The following NFIA variants were observed in gnomAD, a reference collection of about 807,000 sequenced individuals.
NFIA encodes nuclear factor I A, also known as nuclear factor 1 A-type.
A neutral mutation model predicts 62.8 loss-of-function variants in NFIA; 8 were observed. The observed-to-expected ratio is 0.13, with a 90% confidence interval of 0.07 to 0.23. The LOEUF (loss-of-function observed/expected upper bound fraction) is 0.23. NFIA is among the 10% of genes least tolerant of loss of function. NFIA has a pLI of 1.00. For missense variants in NFIA, 410 were observed against 642.1 expected (o/e 0.64, Z 3.91); for synonymous variants, 235 against 238.1 (o/e 0.99, Z 0.12).
In NFIA at chr1:61,406,543, G is replaced by GGGCCCCCCC; in HGVS notation, c.1255-19_1255-18insGGCCCCCCC. 1.1e-5 allele frequency: 10 copies of GGGCCCCCCC among 876,636 alleles called. No homozygotes were observed. The highest frequency in any genetic ancestry group is 1.5e-5 in the Non-Finnish European group (10 of 653,726). The allele number at this position is 876,636 out of a possible 1,614,324, so 54.3% of individuals were successfully genotyped here. On this transcript the variant is annotated intron_variant, in intron 8 of 10. Coordinates refer to ENST00000403491, the MANE Select transcript of NFIA (RefSeq NM_001134673.4). ...TCTTTTTCTTGTACGTGTGTTTTCT[G>GGGCCCCCCC]CCCCCCCCCCCCCCACAGCCCAATG...
intron 9 of NFIA, among the ~76,000 whole-genome samples, chr1:61,411,378 T>C (rs1569807716): frequency 6.6e-6 from 1 of 152,120 alleles, no homozygotes; most frequent in Non-Finnish European, 1.5e-5. Context: ...TGGAGAAAGA[T>C]TGATAGACTG....
chr1:61,443,578 G>A (rs959404960), intron 10 of NFIA, among the ~76,000 whole-genome samples: 2 of 152,202 alleles, frequency 1.3e-5, no homozygotes, highest in Non-Finnish European at 2.9e-5. Flanking sequence ...GTTTTGCCAG[G>A]TATGCTCACC....
At chr1:61,257,664 T>C (rs1553166009) in intron 2 of NFIA, among the ~76,000 whole-genome samples, 1 of 151,942 alleles carries the variant, frequency 6.6e-6, no homozygotes, top group Non-Finnish European at 1.5e-5. Context: ...TGAAGCTTTT[T>C]CCCCTCTCAT....
intron 10 of NFIA, among the ~76,000 whole-genome samples, chr1:61,451,958 A>G (rs1668076761): frequency 6.6e-6 from 1 of 152,198 alleles, no homozygotes. Flanking sequence ...CCAACGATCG[A>G]ATAAGCTCAG....
intron 2 of NFIA, among the ~76,000 whole-genome samples, chr1:61,161,241 C>T (rs552723209): frequency 5.3e-5 from 8 of 152,168 alleles, no homozygotes; most frequent in Non-Finnish European, 1.2e-4. Context: ...AAGTCATTTA[C>T]GGTTACGTTT....
chr1:61,392,373 G>A (rs941218990), intron 7 of NFIA, among the ~76,000 whole-genome samples: 2 of 152,078 alleles, frequency 1.3e-5, no homozygotes, highest in African/African-American at 2.4e-5. Flanking sequence ...GTCAGGAAGC[G>A]TGTAATTAAA....
At chr1:61,438,051 T>C (rs1011116919) in intron 10 of NFIA, among the ~76,000 whole-genome samples, 2 of 152,174 alleles carry the variant, frequency 1.3e-5, no homozygotes, top group Admixed American at 1.3e-4. Flanking sequence ...CCTCCTGAGA[T>C]ACAGGATTTT....
At chr1:61,235,004 T>A (rs1654906104) in intron 2 of NFIA, among the ~76,000 whole-genome samples, 2 of 152,162 alleles carry the variant, frequency 1.3e-5, no homozygotes, top group Non-Finnish European at 2.9e-5. Flanking sequence ...CCTGTCTTGA[T>A]CCTAGTCAAG....
chr1:61,196,121 TTGTCTTATG>T (rs1651971306), intron 2 of NFIA, among the ~76,000 whole-genome samples: 1 of 152,214 alleles, frequency 6.6e-6, no homozygotes, highest in African/African-American at 2.4e-5. Context: ...ATGTTTGTTC[TTGTCTTATG>T]TGTAGGTGCT....
At chr1:61,340,508 A>G (rs1269660364) in intron 4 of NFIA, among the ~76,000 whole-genome samples, 1 of 152,184 alleles carries the variant, frequency 6.6e-6, no homozygotes, top group African/African-American at 2.4e-5. Flanking sequence ...TCTAAGTCCA[A>G]GTACTGGAAA....
At chr1:61,278,756 A>G (rs1657963519) in intron 3 of NFIA, among the ~76,000 whole-genome samples, 2 of 151,964 alleles carry the variant, frequency 1.3e-5, no homozygotes, top group South Asian at 4.2e-4. Context: ...GCGCCACTGC[A>G]CTCTAGCTCT....
chr1:61,407,213 C>T (rs1358570894), intron 9 of NFIA, among the ~76,000 whole-genome samples: 4 of 152,106 alleles, frequency 2.6e-5, no homozygotes, highest in South Asian at 2.1e-4. Flanking sequence ...ACTGACCATT[C>T]GCTGAGAGTA....
At chr1:61,355,430 G>A (rs1359413786) in intron 5 of NFIA, among the ~76,000 whole-genome samples, 5 of 152,198 alleles carry the variant, frequency 3.3e-5, no homozygotes, top group African/African-American at 1.2e-4. Flanking sequence ...ATTGGGATAC[G>A]ATACATTTTT....
intron 2 of NFIA, among the ~76,000 whole-genome samples, chr1:61,181,761 G>T (rs1241879416): frequency 6.6e-6 from 1 of 151,878 alleles, no homozygotes; most frequent in Non-Finnish European, 1.5e-5. Context: ...GATACATAAA[G>T]AAATTCCTGT....
intron 2 of NFIA, among the ~76,000 whole-genome samples, chr1:61,219,277 T>C (rs1653852857): frequency 6.6e-6 from 1 of 151,978 alleles, no homozygotes; most frequent in Admixed American, 6.6e-5. Context: ...GCATACTTTG[T>C]AAAAGAATTT....
At chr1:61,395,284 GTGTGT>G (rs1665206542) in intron 7 of NFIA, among the ~76,000 whole-genome samples, 1 of 113,030 alleles carries the variant, frequency 8.8e-6, no homozygotes, top group South Asian at 3.1e-4. Context: ...CTGTGTGTGT[GTGTGT>G]TTTTTTTTTT....
chr1:61,439,403 CACTTT>C (rs1442089934), intron 10 of NFIA: 1 of 151,866 alleles, frequency 6.6e-6, no homozygotes, highest in Non-Finnish European at 1.5e-5. Context: ...CAGCAGAGAG[CACTTT>C]ACTTAAGTTA....
At chr1:61,191,327 A>T in intron 2 of NFIA, among the ~76,000 whole-genome samples, 1 of 152,194 alleles carries the variant, frequency 6.6e-6, no homozygotes, top group East Asian at 1.9e-4. Flanking sequence ...AATGAATAGT[A>T]GTATTTAAAG....
intron 3 of NFIA, among the ~76,000 whole-genome samples, chr1:61,326,502 T>G (rs562235020): frequency 6.6e-6 from 1 of 151,176 alleles, no homozygotes; most frequent in South Asian, 2.1e-4. Context: ...GAGCCCAGTT[T>G]GAGTTTCATT....
Sources: allele counts gnomAD v4.1 joint callset (sites outside exome capture counted in the v4.1 genomes callset), GRCh38; gene constraint gnomAD v4.1.1; transcripts MANE v1.5; gene names NCBI Gene and HGNC (gene_info 2026-07-23, HGNC 2026-07-21).